Variants in HOXA3 observed in about 807,000 individuals in gnomAD.
HOXA3 encodes the protein homeobox A3.
HOXA3 carries 8 observed loss-of-function variants against 30.3 expected under a neutral mutation model. That is an observed-to-expected ratio of 0.26 (90% CI 0.15 to 0.48). HOXA3 has a LOEUF of 0.48. Among genes scored for constraint, HOXA3 ranks in the 20% least tolerant of loss-of-function variants. HOXA3 has a pLI of 0.99. For synonymous variants in HOXA3, 323 were observed against 273.1 expected (o/e 1.18, Z -1.80); for missense variants, 653 against 614.4 (o/e 1.06, Z -0.66).
intron 1 of HOXA3, chr7:27,143,189 CTG>C: frequency 6.2e-7 from 1 of 1,611,508 alleles, no homozygotes; most frequent in Non-Finnish European, 8.5e-7. Flanking sequence ...AACCCCCTCT[CTG>C]CTGCTGATGT....
At chr7:27,130,929 A>AGC (rs1182770393) in intron 2 of HOXA3, 2 of 589,828 alleles carry the variant, frequency 3.4e-6, no homozygotes, top group Non-Finnish European at 6.0e-6. Context: ...TCCCCAGCCC[A>AGC]GCGCGCGCCC....
At chr7:27,150,083 T>C (rs1049540571) in intron 1 of HOXA3, 1 of 152,024 alleles carries the variant, frequency 6.6e-6, no homozygotes, top group Non-Finnish European at 1.5e-5. Context: ...GGCACTAAGA[T>C]GGAAAAACAT....
At chr7:27,114,880 T>TAATATATATTATATATATAATATATA (rs11271601) in intron 4 of HOXA3, among the ~76,000 whole-genome samples, 8 of 98,402 alleles carry the variant, frequency 8.1e-5, no homozygotes, top group South Asian at 3.0e-4. Flanking sequence ...ATTATATATA[T>TAATATATATTATATATATAATATATA]GTATATACAT....
chr7:27,115,772 C>A (rs892226208), intron 4 of HOXA3: 1 of 152,288 alleles, frequency 6.6e-6, no homozygotes, highest in Non-Finnish European at 1.5e-5. Flanking sequence ...CCTCTATCCG[C>A]CCCGATACGT....
intron 4 of HOXA3, among the ~76,000 whole-genome samples, chr7:27,115,063 G>A (rs1219202099): frequency 7.1e-6 from 1 of 141,204 alleles, no homozygotes; most frequent in Non-Finnish European, 1.5e-5. Context: ...AAAGAGAAAT[G>A]GAGATTTCTC....
intron 2 of HOXA3, chr7:27,130,330 A>ACGTGGCTCGCATGCAGGC: frequency 9.1e-7 from 1 of 1,104,000 alleles, no homozygotes; most frequent in South Asian, 4.3e-5. Flanking sequence ...GGGCTGCAGG[A>ACGTGGCTCGCATGCAGGC]CGTGGCTCGC....
chr7:27,149,943 G>C (rs916571435), intron 1 of HOXA3: 1 of 152,162 alleles, frequency 6.6e-6, no homozygotes, highest in Non-Finnish European at 1.5e-5. Flanking sequence ...TGGTGGGTCA[G>C]TGTCAATTTA....
chr7:27,124,216 C>T (rs1251194113), intron 3 of HOXA3: 4 of 152,288 alleles, frequency 2.6e-5, no homozygotes, highest in African/African-American at 9.6e-5. Flanking sequence ...CCGCCGTGGC[C>T]TCTCTCTCCG....
chr7:27,119,001 G>A (rs1440865706), intron 4 of HOXA3, among the ~76,000 whole-genome samples: 1 of 152,130 alleles, frequency 6.6e-6, no homozygotes, highest in Non-Finnish European at 1.5e-5. Context: ...TGGTGGGTCC[G>A]GGTTTTGCAA....
At position 27,110,559 on chromosome 7, in the gene HOXA3, C is replaced by T. The variant is rs1562711878; in HGVS notation, c.82G>A (p.Ala28Thr). The T allele has an allele frequency of 6.2e-7, 1 of 1,606,872 alleles. No homozygotes were observed. The highest frequency in any genetic ancestry group is 1.7e-5 in the Admixed American group (1 of 59,898). ...YQAANGFAYN[A>T]NQQPYPASAA... Reference sequence around the variant, plus strand: ...GACGCCGGGTACGGCTGCTGATTGGCATTATAAGCGAACCCGTTGGCTGCC... The same window carrying T: ...GACGCCGGGTACGGCTGCTGATTGGTATTATAAGCGAACCCGTTGGCTGCC... Residue 28 changes from alanine (A) to threonine (T), a missense_variant, in exon 5 of 6, where the codon GCC (alanine) becomes ACC (threonine). Ala to Thr is a moderately conservative substitution (Grantham distance 58). Transcript: ENST00000612286.
chr7:27,124,806 G>A (rs1174928713), intron 3 of HOXA3, among the ~76,000 whole-genome samples: 1 of 152,066 alleles, frequency 6.6e-6, no homozygotes, highest in Admixed American at 6.6e-5. Flanking sequence ...GCCGGCCTCC[G>A]GGGCACATTC....
At chr7:27,126,818 T>C (rs999910568) in intron 3 of HOXA3, 68 bp downstream of exon 3, 10 of 152,232 alleles carry the variant, frequency 6.6e-5, no homozygotes. Flanking sequence ...TACAACTGCC[T>C]GCAGCATGAA....
chr7:27,140,157 C>CA lies in HOXA3; in HGVS notation c.-465dup, dbSNP rs1271155229. Reference sequence around the variant, plus strand: ...TGGACACTTCTGGACCTAAAATTGACAGTTTGAATGGCCAGGCGGCACACG... The same window carrying CA: ...TGGACACTTCTGGACCTAAAATTGACAAGTTTGAATGGCCAGGCGGCACACG... On this transcript the variant is annotated 5_prime_UTR_variant, in exon 2 of 6. Coordinates refer to ENST00000612286, the MANE Select transcript of HOXA3 (RefSeq NM_153631.3). The CA allele has an allele frequency of 6.6e-6, 1 of 152,090 alleles. No individual in the cohort carries two copies. Among genetic ancestry groups the CA allele is most frequent in the African/African-American group, 2.4e-5 (1 of 41,390 alleles). 9.4% of individuals were successfully genotyped at this position (152,090 alleles called of 1,614,324 possible).
chr7:27,130,404 G>C, intron 2 of HOXA3: 1 of 1,166,152 alleles, frequency 8.6e-7, no homozygotes, highest in Non-Finnish European at 1.1e-6. Flanking sequence ...GCGGCCGCCC[G>C]GGGCTGGCGC....
chr7:27,142,308 G>A (rs1055450662), intron 1 of HOXA3, among the ~76,000 whole-genome samples: 1 of 152,206 alleles, frequency 6.6e-6, no homozygotes, highest in African/African-American at 2.4e-5. Context: ...CTGGGGCCGT[G>A]TCCCGGCGGA....
At chr7:27,148,109 G>T (rs1194215740) in intron 1 of HOXA3, among the ~76,000 whole-genome samples, 1 of 152,260 alleles carries the variant, frequency 6.6e-6, no homozygotes, top group African/African-American at 2.4e-5. Context: ...CTAATGCTTG[G>T]GCCGCCTCAA....
chr7:27,148,244 G>A (rs1340726158), intron 1 of HOXA3, among the ~76,000 whole-genome samples: 1 of 152,276 alleles, frequency 6.6e-6, no homozygotes, highest in Non-Finnish European at 1.5e-5. Flanking sequence ...AGTGACAAAG[G>A]TGGCTTTGCT....
At chr7:27,147,312 GCAGGAGTTCAT>G (rs749372456) in intron 1 of HOXA3, 1 of 1,612,880 alleles carries the variant, frequency 6.2e-7, no homozygotes, top group Non-Finnish European at 8.5e-7. Flanking sequence ...TCTTACCCGC[GCAGGAGTTCAT>G]CCGCTGCATC....
At chr7:27,141,791 G>A in intron 1 of HOXA3, 1 of 1,599,086 alleles carries the variant, frequency 6.3e-7, no homozygotes, top group Non-Finnish European at 8.5e-7. Flanking sequence ...CTGACACTAC[G>A]CGGGATCCGC....
Sources: allele counts gnomAD v4.1 joint callset (sites outside exome capture counted in the v4.1 genomes callset), GRCh38; gene constraint gnomAD v4.1.1; transcripts MANE v1.5; gene names NCBI Gene and HGNC (gene_info 2026-07-23, HGNC 2026-07-21).